Variants in FHIT observed in about 807,000 individuals in gnomAD.
The protein encoded by FHIT is fragile histidine triad diadenosine triphosphatase.
FHIT carries 19 observed loss-of-function variants against 17.9 expected under a neutral mutation model. That is an observed-to-expected ratio of 1.06 (90% confidence interval 0.74 to 1.56). The LOEUF (loss-of-function observed/expected upper bound fraction) is 1.56, where lower values mean the gene tolerates loss of function less well. Among genes scored for constraint, FHIT ranks in the 40% most tolerant of loss-of-function variants. The pLI, the probability that FHIT is intolerant of heterozygous loss-of-function variation, is 0.00. For synonymous variants in FHIT, 81 were observed against 69.7 expected (o/e 1.16, Z -0.81); for missense variants, 248 against 189.2 (o/e 1.31, Z -1.82).
At chr3:60,722,654 C>T (rs1426988439) in intron 4 of FHIT, among the ~76,000 whole-genome samples, 1 of 151,406 alleles carries the variant, frequency 6.6e-6, no homozygotes, top group Admixed American at 6.6e-5. Flanking sequence ...CAGACATGGC[C>T]GTATGTCCTC....
chr3:60,445,838 C>T (rs894563015), intron 5 of FHIT, among the ~76,000 whole-genome samples: 1 of 151,676 alleles, frequency 6.6e-6, no homozygotes, highest in Non-Finnish European at 1.5e-5. Flanking sequence ...TCCCTGTTAT[C>T]CCTCTACTCA....
chr3:61,119,749 C>T (rs939115667), intron 2 of FHIT, among the ~76,000 whole-genome samples: 2 of 152,194 alleles, frequency 1.3e-5, no homozygotes, highest in Non-Finnish European at 2.9e-5. Context: ...TGAATTTGCT[C>T]TCTCTTATGG....
At chr3:60,778,855 G>T (rs561856927) in intron 4 of FHIT, among the ~76,000 whole-genome samples, 1 of 152,264 alleles carries the variant, frequency 6.6e-6, no homozygotes, top group East Asian at 1.9e-4. Flanking sequence ...AAGCCCCATG[G>T]GGAAACTGGC....
intron 8 of FHIT, among the ~76,000 whole-genome samples, chr3:59,891,797 C>T (rs746840621): frequency 8.0e-4 from 121 of 152,198 alleles, no homozygotes; most frequent in Non-Finnish European, 1.5e-3. Flanking sequence ...TTTTACATGA[C>T]CATGAGGAGT....
At chr3:60,330,081 G>C (rs1418887245) in intron 5 of FHIT, among the ~76,000 whole-genome samples, 1 of 152,022 alleles carries the variant, frequency 6.6e-6, no homozygotes, top group African/African-American at 2.4e-5. Context: ...AATACATTTA[G>C]CAAATGGCTG....
intron 8 of FHIT, among the ~76,000 whole-genome samples, chr3:59,763,421 G>T (rs548050266): frequency 6.6e-6 from 1 of 152,190 alleles, no homozygotes; most frequent in Non-Finnish European, 1.5e-5. Flanking sequence ...CAACTGGGTT[G>T]TCAAGATAAA....
At chr3:59,969,591 G>A (rs1175610802) in intron 7 of FHIT, among the ~76,000 whole-genome samples, 9 of 152,076 alleles carry the variant, frequency 5.9e-5, no homozygotes. Context: ...AATGGGAACA[G>A]TAACTGTGTT....
intron 8 of FHIT, among the ~76,000 whole-genome samples, chr3:59,768,851 G>A (rs796821871): frequency 2.6e-5 from 4 of 152,306 alleles, no homozygotes; most frequent in African/African-American, 9.6e-5. Context: ...CATTGTAAAA[G>A]AGATCCAGAA....
At chr3:60,853,902 T>C (rs1449086102) in intron 3 of FHIT, among the ~76,000 whole-genome samples, 2 of 152,172 alleles carry the variant, frequency 1.3e-5, no homozygotes, top group Non-Finnish European at 2.9e-5. Context: ...TTGTTAAACA[T>C]AGTCCCTTTG....
At chr3:60,128,725 C>G (rs1576163387) in intron 5 of FHIT, among the ~76,000 whole-genome samples, 1 of 152,144 alleles carries the variant, frequency 6.6e-6, no homozygotes, top group South Asian at 2.1e-4. Context: ...GATTGATTAG[C>G]AGAGTCTGTG....
intron 5 of FHIT, among the ~76,000 whole-genome samples, chr3:60,099,258 G>C (rs1576096921): frequency 1.3e-5 from 2 of 152,222 alleles, no homozygotes; most frequent in East Asian, 1.9e-4. Context: ...TACCAACCAA[G>C]AATTTTTAAC....
At chr3:60,629,584 G>C (rs2039386465) in intron 4 of FHIT, among the ~76,000 whole-genome samples, 1 of 152,164 alleles carries the variant, frequency 6.6e-6, no homozygotes, top group East Asian at 1.9e-4. Flanking sequence ...GCCGTGTCTA[G>C]TATTAAAGCA....
intron 5 of FHIT, among the ~76,000 whole-genome samples, chr3:60,141,487 A>G (rs1042591831): frequency 6.6e-6 from 1 of 152,154 alleles, no homozygotes; most frequent in African/African-American, 2.4e-5. Context: ...ATACAAATAC[A>G]TGAGAATCAG....
At chr3:61,087,151 GT>G (rs2035331275) in intron 2 of FHIT, among the ~76,000 whole-genome samples, 1 of 151,942 alleles carries the variant, frequency 6.6e-6, no homozygotes, top group Admixed American at 6.6e-5. Context: ...ATCTAATCTT[GT>G]GTCTCTCCTG....
intron 5 of FHIT, among the ~76,000 whole-genome samples, chr3:60,443,601 C>T (rs1163474146): frequency 6.6e-6 from 1 of 152,120 alleles, no homozygotes; most frequent in East Asian, 1.9e-4. Flanking sequence ...GTTGAACCAG[C>T]CTTGCATCCC....
intron 8 of FHIT, among the ~76,000 whole-genome samples, chr3:59,754,840 G>T (rs1327588593): frequency 6.6e-6 from 1 of 152,142 alleles, no homozygotes; most frequent in African/African-American, 2.4e-5. Context: ...AAAGTTATGA[G>T]ATTTCCCTCC....
chr3:59,943,767 T>C (rs1706655939), intron 7 of FHIT, among the ~76,000 whole-genome samples: 1 of 152,188 alleles, frequency 6.6e-6, no homozygotes, highest in Non-Finnish European at 1.5e-5. Context: ...TTGACAGAAC[T>C]TATGTATCCC....
chr3:60,941,497 G>A (rs1036876684), intron 3 of FHIT, among the ~76,000 whole-genome samples: 1 of 152,106 alleles, frequency 6.6e-6, no homozygotes, highest in African/African-American at 2.4e-5. Flanking sequence ...GGATGGATAC[G>A]GAGGTCCCCT....
chr3:60,152,834 G>A (rs1157968069), intron 5 of FHIT, among the ~76,000 whole-genome samples: 1 of 152,096 alleles, frequency 6.6e-6, no homozygotes, highest in African/African-American at 2.4e-5. Context: ...TCCCAAACCT[G>A]TAGGTTAAAA....
Sources: allele counts gnomAD v4.1 joint callset (sites outside exome capture counted in the v4.1 genomes callset), GRCh38; gene constraint gnomAD v4.1.1; transcripts MANE v1.5; gene names NCBI Gene and HGNC (gene_info 2026-07-23, HGNC 2026-07-21).